Variants in SPIDR observed in about 807,000 individuals in gnomAD.
The protein encoded by SPIDR is scaffold protein involved in DNA repair.
SPIDR carries 93 observed loss-of-function variants against 104.6 expected under a neutral mutation model. The observed-to-expected ratio is 0.89, with a 90% CI of 0.75 to 1.06. SPIDR has a LOEUF of 1.06. SPIDR is among the 50% of genes least tolerant of loss of function. The probability of loss-of-function intolerance (pLI) is 0.00; values close to 1 mark genes in which losing one functional copy is unlikely to be tolerated. For missense variants in SPIDR, 1,154 were observed against 1,111.2 expected (o/e 1.04, Z -0.55); for synonymous variants, 431 against 416.9 (o/e 1.03, Z -0.41).
chr8:47,477,919 C>T (rs569387080), intron 8 of SPIDR, among the ~76,000 whole-genome samples: 16 of 152,154 alleles, frequency 1.1e-4, no homozygotes, highest in African/African-American at 3.6e-4. Context: ...AAGACAGCTG[C>T]GCTTAGCTGG....
chr8:47,644,633 G>C (rs192199361), intron 10 of SPIDR, among the ~76,000 whole-genome samples: 2 of 152,214 alleles, frequency 1.3e-5, no homozygotes, highest in African/African-American at 4.8e-5. Context: ...GGTTATGATG[G>C]TATCTCCTTA....
intron 8 of SPIDR, among the ~76,000 whole-genome samples, chr8:47,479,327 C>G (rs2076624411): frequency 6.6e-6 from 1 of 150,916 alleles, no homozygotes; most frequent in Admixed American, 6.6e-5. Context: ...CCAGTGCACT[C>G]CAGCCTGGGC....
At chr8:47,647,654 G>GAGAGAGAGAGAGA (rs60285328) in intron 10 of SPIDR, among the ~76,000 whole-genome samples, 1 of 99,940 alleles carries the variant, frequency 1.0e-5, no homozygotes, top group Non-Finnish European at 2.3e-5. Context: ...GAGAGAGAGA[G>GAGAGAGAGAGAGA]GGAGAGAGAG....
chr8:47,393,716 TCCTTTCCTTTCCTTTCCTTC>T (rs1273314784), intron 5 of SPIDR, among the ~76,000 whole-genome samples: 10 of 137,362 alleles, frequency 7.3e-5, no homozygotes, highest in African/African-American at 2.7e-4. Context: ...TCCTTTCCTT[TCCTTTCCTTTCCTTTCCTTC>T]CTTTCATTCT....
chr8:47,732,030 T>A, intron 19 of SPIDR: 1 of 663,132 alleles, frequency 1.5e-6, no homozygotes. Flanking sequence ...GGTGGGACGG[T>A]GCTGTGGCAG....
chr8:47,359,293 AG>A (rs2055244689), intron 5 of SPIDR, among the ~76,000 whole-genome samples: 1 of 150,912 alleles, frequency 6.6e-6, no homozygotes, highest in Admixed American at 6.6e-5. Flanking sequence ...AATTTTGTAT[AG>A]TGTTGTTTTA....
intron 5 of SPIDR, among the ~76,000 whole-genome samples, chr8:47,306,886 T>C (rs1425547406): frequency 1.3e-5 from 2 of 152,218 alleles, no homozygotes; most frequent in African/African-American, 4.8e-5. Flanking sequence ...CTGTTTTCTC[T>C]GTTGTTAGTA....
chr8:47,408,074 AT>A, intron 7 of SPIDR, 113 bp downstream of exon 7: 1 of 510,656 alleles, frequency 2.0e-6, no homozygotes, highest in Non-Finnish European at 3.3e-6. Context: ...CTTTTTAAAA[AT>A]TTTTTCCAAC....
chr8:47,504,681 G>T (rs1188113008), intron 8 of SPIDR, among the ~76,000 whole-genome samples: 2 of 152,232 alleles, frequency 1.3e-5, no homozygotes, highest in Admixed American at 6.5e-5. Flanking sequence ...CTGGTGAGGA[G>T]CTGTGTTCCT....
At chr8:47,303,355 T>A (rs1263686814) in intron 5 of SPIDR, among the ~76,000 whole-genome samples, 1 of 152,178 alleles carries the variant, frequency 6.6e-6, no homozygotes, top group Non-Finnish European at 1.5e-5. Context: ...CTCCTTTCTG[T>A]GACTAGGAAA....
chr8:47,301,368 C>A (rs1554577281), intron 5 of SPIDR, among the ~76,000 whole-genome samples: 4 of 152,018 alleles, frequency 2.6e-5, no homozygotes, highest in Non-Finnish European at 4.4e-5. Flanking sequence ...TCCTGAATAC[C>A]GCACACTGAT....
intron 5 of SPIDR, among the ~76,000 whole-genome samples, chr8:47,383,133 C>A (rs1554646445): frequency 6.6e-6 from 1 of 152,218 alleles, no homozygotes; most frequent in African/African-American, 2.4e-5. Flanking sequence ...TCACTGGGAT[C>A]TTTTCTTCTC....
chr8:47,533,044 A>G (rs2086283766), intron 8 of SPIDR, among the ~76,000 whole-genome samples: 2 of 152,230 alleles, frequency 1.3e-5, no homozygotes, highest in South Asian at 4.1e-4. Flanking sequence ...ATATTTTAAC[A>G]AAGTGAAAAT....
rs2049301002 is a variant in SPIDR at position 47,334,311 on chromosome 8, A to C, written c.525+40281A>C. ...TTGATAGGTGGTGTTATTGTGTTCA[A>C]ATATATCTTTATGGATTTTCTGCCT... On this transcript the variant is annotated intron_variant, in intron 5 of 19. Transcript: ENST00000297423. Among the ~76,000 whole-genome samples the C allele has an allele frequency of 2.0e-5, 3 of 152,180 alleles. No homozygotes were observed. The South Asian group carries it at 6.2e-4, about 32-fold the overall frequency.
intron 8 of SPIDR, among the ~76,000 whole-genome samples, chr8:47,464,292 A>G (rs1232496562): frequency 6.6e-6 from 1 of 152,198 alleles, no homozygotes; most frequent in Non-Finnish European, 1.5e-5. Flanking sequence ...GTATTTTTTA[A>G]AAACCACTTA....
intron 5 of SPIDR, among the ~76,000 whole-genome samples, chr8:47,380,908 A>G (rs778690567): frequency 8.6e-5 from 13 of 152,036 alleles, no homozygotes; most frequent in Non-Finnish European, 1.8e-4. Context: ...GTGAAAGGAG[A>G]TCTCTTATTG....
At chr8:47,695,325 A>G (rs1388214018) in intron 11 of SPIDR, among the ~76,000 whole-genome samples, 1 of 152,122 alleles carries the variant, frequency 6.6e-6, no homozygotes, top group African/African-American at 2.4e-5. Flanking sequence ...CAGAGAAATT[A>G]GCAGCAACAT....
At chr8:47,262,465 G>GT (rs750932839) in intron 1 of SPIDR, among the ~76,000 whole-genome samples, 1 of 152,176 alleles carries the variant, frequency 6.6e-6, no homozygotes, top group Non-Finnish European at 1.5e-5. Context: ...CAACTAAGTG[G>GT]TTGTAGTTCA....
chr8:47,558,310 A>G lies in SPIDR; in HGVS notation c.1098-37501A>G, dbSNP rs202021318. ...TATCCCTTAAATCTAAAATAAAATA[A>G]AGAATCTAAAATAAAATAAAATTTG... On this transcript the variant is annotated intron_variant, in intron 8 of 19. Coordinates refer to ENST00000297423, the MANE Select transcript of SPIDR (RefSeq NM_001080394.4). Among the ~76,000 whole-genome samples the G allele has an allele frequency of 2.0e-5, 3 of 152,176 alleles. No individual in the cohort carries two copies. In the East Asian group the frequency reaches 5.8e-4, roughly 29 times the overall value.
Sources: gnomAD v4.1 joint callset for allele counts (sites outside exome capture counted in the v4.1 genomes callset) on GRCh38, gnomAD v4.1.1 for gene constraint, MANE v1.5 for transcripts, NCBI Gene and HGNC (gene_info 2026-07-23, HGNC 2026-07-21) for gene names.